The following DOCK5 variants were observed in gnomAD, a reference collection of about 807,000 sequenced individuals.
DOCK5 encodes dedicator of cytokinesis protein 5.
Under a neutral mutation model 251.8 loss-of-function variants are expected in DOCK5, and 142 were observed. That is an observed-to-expected ratio of 0.56 (90% CI 0.49 to 0.65). DOCK5 has a LOEUF of 0.65. DOCK5 is among the 30% of genes least tolerant of loss of function. The pLI, the probability that DOCK5 is intolerant of heterozygous loss-of-function variation, is 0.00. For missense variants in DOCK5, 2,111 were observed against 2,312.3 expected (o/e 0.91, Z 1.79); for synonymous variants, 842 against 835.5 (o/e 1.01, Z -0.13).
chr8:25,197,986 G>C (rs1801777334), intron 1 of DOCK5, among the ~76,000 whole-genome samples: 1 of 151,986 alleles, frequency 6.6e-6, no homozygotes, highest in Non-Finnish European at 1.5e-5. Context: ...TCCTGACGTC[G>C]TGATCCGCCT....
chr8:25,221,251 A>T (rs1802378124), intron 1 of DOCK5, among the ~76,000 whole-genome samples: 1 of 152,236 alleles, frequency 6.6e-6, no homozygotes, highest in Non-Finnish European at 1.5e-5. Context: ...TCAAAGAATT[A>T]AAATATTTAA....
chr8:25,335,116 T>C (rs894016066), intron 21 of DOCK5, among the ~76,000 whole-genome samples: 2 of 152,212 alleles, frequency 1.3e-5, no homozygotes, highest in African/African-American at 4.8e-5. Flanking sequence ...CCAGTTATTG[T>C]GCAGAATGTG....
intron 1 of DOCK5, among the ~76,000 whole-genome samples, chr8:25,236,282 G>A (rs1461773722): frequency 6.6e-6 from 1 of 152,120 alleles, no homozygotes; most frequent in Non-Finnish European, 1.5e-5. Flanking sequence ...GCAGAGAGGT[G>A]GCGTGATGGT....
intron 29 of DOCK5, 57 bp downstream of exon 29, chr8:25,363,198 G>T: frequency 7.0e-7 from 1 of 1,437,808 alleles, no homozygotes; most frequent in South Asian, 1.2e-5. Flanking sequence ...AGGCTGCTGT[G>T]TGAACTTTGG....
intron 5 of DOCK5, among the ~76,000 whole-genome samples, chr8:25,281,778 C>G (rs1804199794): frequency 1.3e-5 from 2 of 149,978 alleles, no homozygotes; most frequent in African/African-American, 4.9e-5. Flanking sequence ...ACTCGGGAGG[C>G]TGAGGCAGAA....
At chr8:25,370,766 T>C (rs1410394065) in intron 34 of DOCK5, among the ~76,000 whole-genome samples, 1 of 152,128 alleles carries the variant, frequency 6.6e-6, no homozygotes, top group East Asian at 1.9e-4. Context: ...TCAGCCTCCC[T>C]AGTAGCTAGG....
intron 1 of DOCK5, among the ~76,000 whole-genome samples, chr8:25,185,231 A>T (rs1297312412): frequency 6.6e-6 from 1 of 151,958 alleles, no homozygotes; most frequent in African/African-American, 2.4e-5. Flanking sequence ...CACCAGGGAA[A>T]TGTCAACGCG....
chr8:25,391,523 G>A (rs1478199741), intron 42 of DOCK5, among the ~76,000 whole-genome samples: 8 of 151,850 alleles, frequency 5.3e-5, no homozygotes, highest in African/African-American at 1.5e-4. Flanking sequence ...TTGTAATCTC[G>A]GCTACTCAGG....
chr8:25,354,535 G>C (rs1251448839), intron 27 of DOCK5, among the ~76,000 whole-genome samples: 1 of 152,172 alleles, frequency 6.6e-6, no homozygotes, highest in Non-Finnish European at 1.5e-5. Context: ...CTCCCGCCGT[G>C]CTTCCGCTAA....
chr8:25,288,766 A>G (rs1296553591), intron 5 of DOCK5, among the ~76,000 whole-genome samples: 1 of 152,216 alleles, frequency 6.6e-6, no homozygotes, highest in Non-Finnish European at 1.5e-5. Flanking sequence ...TTTGAAGAAA[A>G]TGAAATGGAA....
intron 1 of DOCK5, among the ~76,000 whole-genome samples, chr8:25,191,385 C>T (rs1298925482): frequency 6.6e-6 from 1 of 152,192 alleles, no homozygotes; most frequent in Non-Finnish European, 1.5e-5. Flanking sequence ...AGCCACGCTT[C>T]CAAGTGTTTT....
chr8:25,185,375 T>G (rs1801406935), intron 1 of DOCK5, among the ~76,000 whole-genome samples: 2 of 152,270 alleles, frequency 1.3e-5, no homozygotes, highest in South Asian at 4.1e-4. Flanking sequence ...TCCCAGTGCT[T>G]TCTGCCCCCC....
At chr8:25,235,175 T>C (rs879858156) in intron 1 of DOCK5, among the ~76,000 whole-genome samples, 3 of 152,162 alleles carry the variant, frequency 2.0e-5, no homozygotes, top group Admixed American at 1.3e-4. Context: ...AGGAGGAAGC[T>C]GTGGGAAAAA....
Position 25,187,230 on chromosome 8 carries a change from C to T in DOCK5, c.43+2279C>T, listed in dbSNP as rs998784272. On this transcript the variant is annotated intron_variant, in intron 1 of 51. Transcript: ENST00000276440. ...AAAAAACTATATATACATATATATACGTATATATATATATACACACACACA... is the reference window on the plus strand; with the variant it reads ...AAAAAACTATATATACATATATATATGTATATATATATATACACACACACA... Among the ~76,000 whole-genome samples the T allele has an allele frequency of 5.4e-4, 76 of 141,406 alleles. 1 individual carries two copies. The highest frequency in any genetic ancestry group is 1.9e-3 in the African/African-American group (69 of 36,004). The allele number at this position is 141,406 out of a possible 152,430, so 92.8% of individuals were successfully genotyped here.
intron 7 of DOCK5, among the ~76,000 whole-genome samples, chr8:25,297,822 G>T (rs1371802006): frequency 1.3e-5 from 2 of 152,026 alleles, no homozygotes; most frequent in Admixed American, 1.3e-4. Flanking sequence ...TGAGGTGGGC[G>T]GATCATTTGA....
chr8:25,208,290 A>G (rs1802049642), intron 1 of DOCK5, among the ~76,000 whole-genome samples: 1 of 152,264 alleles, frequency 6.6e-6, no homozygotes, highest in African/African-American at 2.4e-5. Context: ...ACTTGTTGAC[A>G]AAGCAGTGGA....
intron 13 of DOCK5, among the ~76,000 whole-genome samples, chr8:25,312,142 A>G (rs1304611273): frequency 3.3e-5 from 5 of 152,030 alleles, no homozygotes; most frequent in African/African-American, 1.2e-4. Context: ...TATTTTGTCC[A>G]TTACATAGCT....
intron 14 of DOCK5, among the ~76,000 whole-genome samples, chr8:25,318,592 CTTTT>C (rs546657586): frequency 1.3e-3 from 112 of 88,208 alleles, no homozygotes; most frequent in African/African-American, 3.5e-3. Context: ...TTCTTTCCTT[CTTTT>C]TTTTTTTTTT....
chr8:25,345,750 A>G, intron 26 of DOCK5, 139 bp downstream of exon 26: 1 of 1,248,242 alleles, frequency 8.0e-7, no homozygotes, highest in Non-Finnish European at 1.1e-6. Context: ...TTTAGAGATA[A>G]TTAGGGAGGC....
Sources: allele counts gnomAD v4.1 joint callset (sites outside exome capture counted in the v4.1 genomes callset), GRCh38; gene constraint gnomAD v4.1.1; transcripts MANE v1.5; gene names NCBI Gene and HGNC (gene_info 2026-07-23, HGNC 2026-07-21).